The following NLGN1 variants were observed in gnomAD, a reference collection of about 807,000 sequenced individuals.
The protein encoded by NLGN1 is neuroligin-1.
In NLGN1, 12 loss-of-function variants were observed where a neutral mutation model predicts 65.5. The observed-to-expected ratio is 0.18, with a 90% CI of 0.12 to 0.30. The LOEUF (loss-of-function observed/expected upper bound fraction) is 0.30. NLGN1 is among the 10% of genes least tolerant of loss of function. The pLI is 1.00. For synonymous variants in NLGN1, 350 were observed against 359.5 expected, an observed-to-expected ratio of 0.97 and a Z score of 0.30; for missense variants, 750 against 1,007.1, an observed-to-expected ratio of 0.74 and a Z score of 3.46.
intron 3 of NLGN1, among the ~76,000 whole-genome samples, chr3:173,609,335 T>C (rs1005552641): frequency 2.0e-5 from 3 of 152,034 alleles, no homozygotes; most frequent in African/African-American, 7.2e-5. Context: ...AAAATCTTTG[T>C]ATATGACTCT....
chr3:173,672,079 C>T (rs1381756655), intron 3 of NLGN1, among the ~76,000 whole-genome samples: 1 of 152,090 alleles, frequency 6.6e-6, no homozygotes, highest in Non-Finnish European at 1.5e-5. Flanking sequence ...AAGGCTGAGG[C>T]AGGAGAATGG....
intron 2 of NLGN1, among the ~76,000 whole-genome samples, chr3:173,503,703 G>A (rs1290102598): frequency 3.3e-5 from 5 of 151,926 alleles, no homozygotes; most frequent in Non-Finnish European, 5.9e-5. Context: ...TCTTTTTGAG[G>A]CCACCTGAAG....
intron 4 of NLGN1, among the ~76,000 whole-genome samples, chr3:174,177,264 T>C (rs938421952): frequency 6.6e-6 from 1 of 152,082 alleles, no homozygotes; most frequent in Non-Finnish European, 1.5e-5. Context: ...GAGGGTATTA[T>C]AGGTACTTTT....
At chr3:174,045,207 G>A (rs779591888) in intron 4 of NLGN1, among the ~76,000 whole-genome samples, 1 of 152,030 alleles carries the variant, frequency 6.6e-6, no homozygotes, top group Non-Finnish European at 1.5e-5. Context: ...AAGACATACC[G>A]AAGACTAGGT....
At chr3:173,762,407 A>C (rs988115618) in intron 3 of NLGN1, among the ~76,000 whole-genome samples, 10 of 152,088 alleles carry the variant, frequency 6.6e-5, no homozygotes, top group African/African-American at 1.7e-4. Context: ...TTAAAATGAT[A>C]ATAAATTAAA....
At chr3:173,584,915 A>T (rs548556209) in intron 2 of NLGN1, 2 of 152,176 alleles carry the variant, frequency 1.3e-5, no homozygotes, top group African/African-American at 4.8e-5. Context: ...ACTGGTAAAT[A>T]CTTGGACCAT....
intron 1 of NLGN1, among the ~76,000 whole-genome samples, chr3:173,418,056 T>C (rs1161592350): frequency 1.3e-5 from 2 of 151,336 alleles, no homozygotes; most frequent in African/African-American, 4.8e-5. Flanking sequence ...TTTATGTGTG[T>C]GTGCATATTA....
chr3:174,266,779 AAAT>A (rs1287115762), intron 4 of NLGN1, among the ~76,000 whole-genome samples: 1 of 152,170 alleles, frequency 6.6e-6, no homozygotes, highest in Non-Finnish European at 1.5e-5. Context: ...AATAGTTTAA[AAAT>A]GTGGTAAATT....
At position 173,472,868 on chromosome 3, in the gene NLGN1, G is replaced by A. The variant is rs113431019; in HGVS notation, c.-321+37790G>A. On this transcript the variant is annotated intron_variant, in intron 2 of 6. Transcript: ENST00000457714. Reference sequence around the variant, plus strand: ...CAACCCTGAGTGTTTGACCCAAATGGCATAAGTGAATTGTTTTAATCTGCC... The same window carrying A: ...CAACCCTGAGTGTTTGACCCAAATGACATAAGTGAATTGTTTTAATCTGCC... Among the ~76,000 whole-genome samples, 806 of 152,218 alleles carry A rather than the reference G, an allele frequency of 5.3e-3. 14 individuals carry two copies. The highest frequency in any genetic ancestry group is 0.019 in the African/African-American group (790 of 41,548).
At chr3:173,444,515 C>T (rs2148812114) in intron 2 of NLGN1, among the ~76,000 whole-genome samples, 1 of 152,168 alleles carries the variant, frequency 6.6e-6, no homozygotes, top group South Asian at 2.1e-4. Flanking sequence ...AAAATTACAA[C>T]TATTAATTTA....
chr3:174,040,704 C>T (rs954218602), intron 4 of NLGN1, among the ~76,000 whole-genome samples: 1 of 151,916 alleles, frequency 6.6e-6, no homozygotes, highest in Non-Finnish European at 1.5e-5. Flanking sequence ...CAGTTTTCCT[C>T]TTTTAGAAAG....
intron 3 of NLGN1, among the ~76,000 whole-genome samples, chr3:173,633,853 C>T (rs1756139746): frequency 6.6e-6 from 1 of 152,108 alleles, no homozygotes; most frequent in Non-Finnish European, 1.5e-5. Context: ...CGAACTGGAT[C>T]TTTTTTTCCA....
chr3:173,556,694 A>G (rs1326784761), intron 2 of NLGN1, among the ~76,000 whole-genome samples: 1 of 152,020 alleles, frequency 6.6e-6, no homozygotes, highest in Non-Finnish European at 1.5e-5. Context: ...AGTCCTAGCT[A>G]CTAGGGAGGC....
intron 4 of NLGN1, among the ~76,000 whole-genome samples, chr3:173,998,492 C>CT (rs1579664968): frequency 6.6e-6 from 1 of 152,308 alleles, no homozygotes; most frequent in South Asian, 2.1e-4. Context: ...TCAGGATTCA[C>CT]TTGATTATGT....
chr3:173,931,217 C>T (rs1212516958), intron 4 of NLGN1, among the ~76,000 whole-genome samples: 7 of 152,050 alleles, frequency 4.6e-5, no homozygotes, highest in Admixed American at 3.9e-4. Context: ...ATAAACAAAA[C>T]AAAATGAGAG....
intron 2 of NLGN1, among the ~76,000 whole-genome samples, chr3:173,546,362 A>G (rs543176577): frequency 1.3e-5 from 2 of 152,270 alleles, no homozygotes; most frequent in African/African-American, 2.4e-5. Flanking sequence ...TGAACCATCT[A>G]TATAATCACT....
intron 4 of NLGN1, among the ~76,000 whole-genome samples, chr3:174,206,370 T>G (rs576700910): frequency 6.6e-6 from 1 of 152,274 alleles, no homozygotes; most frequent in South Asian, 2.1e-4. Context: ...TCAGGCACCT[T>G]GGAAGCAGAT....
chr3:173,880,235 G>A (rs915213611), intron 4 of NLGN1, among the ~76,000 whole-genome samples: 5 of 152,054 alleles, frequency 3.3e-5, no homozygotes, highest in African/African-American at 1.2e-4. Context: ...TTGTGTGGTT[G>A]TACAAGATAG....
At chr3:174,052,566 T>C (rs1735145894) in intron 4 of NLGN1, among the ~76,000 whole-genome samples, 1 of 152,124 alleles carries the variant, frequency 6.6e-6, no homozygotes, top group Admixed American at 6.6e-5. Context: ...AATACTGATA[T>C]ACAAGTATAT....
Sources: allele counts gnomAD v4.1 joint callset (sites outside exome capture counted in the v4.1 genomes callset), GRCh38; gene constraint gnomAD v4.1.1; transcripts MANE v1.5; gene names NCBI Gene and HGNC (gene_info 2026-07-23, HGNC 2026-07-21).